COPS8: variants seen among roughly 807,000 people sequenced by gnomAD.
COPS8 encodes the protein COP9 signalosome subunit 8.
COPS8 carries 11 observed loss-of-function variants against 31.5 expected under a neutral mutation model. That is an observed-to-expected ratio of 0.35 (90% CI 0.22 to 0.58). The LOEUF is 0.58. COPS8 is among the 20% of genes least tolerant of loss of function. The probability of loss-of-function intolerance (pLI) is 0.83; values close to 1 mark genes in which losing one functional copy is unlikely to be tolerated. For missense variants in COPS8, 215 were observed against 255.1 expected (o/e 0.84, Z 1.07); for synonymous variants, 81 against 89.3 (o/e 0.91, Z 0.52).
rs180843417 is a variant in COPS8, at chr2:237,097,958, T to G, written c.*216T>G. ...TGAAACAGTTCTCATTTTGTAGTAT[T>G]TAATAATCTGGATGGAGCCTGTCAG... On this transcript the variant is annotated 3_prime_UTR_variant, in exon 8 of 8. Coordinates refer to ENST00000354371, the MANE Select transcript of COPS8 (RefSeq NM_006710.5). 42 of 431,798 alleles carry G rather than the reference T, an allele frequency of 9.7e-5. No homozygotes were observed. The highest frequency in any genetic ancestry group is 6.6e-4 in the African/African-American group (33 of 49,986). The allele number at this position is 431,798 out of a possible 1,614,324, so 26.7% of individuals were successfully genotyped here.
chr2:237,093,754 A>G (rs1445435912), intron 4 of COPS8: 1 of 996,520 alleles, frequency 1.0e-6, no homozygotes, highest in Non-Finnish European at 1.2e-6. Flanking sequence ...TGTAAATGAA[A>G]TAAGATAAGT....
intron 4 of COPS8, chr2:237,093,531 T>G: frequency 1.2e-5 from 3 of 249,894 alleles, no homozygotes; most frequent in African/African-American, 2.3e-5. Flanking sequence ...GTTGCTGGTA[T>G]TGTTTGGCAG....
chr2:237,086,095 G>A, intron 1 of COPS8, 53 bp downstream of exon 1: 1 of 1,512,948 alleles, frequency 6.6e-7, no homozygotes. Context: ...TAGGCCCTGG[G>A]GCGGCACCAG....
At position 237,099,077 on chromosome 2, in the gene COPS8, A is replaced by T. The variant is rs1442599163; in HGVS notation, c.*1335A>T. 3 of 152,148 alleles carry T rather than the reference A, an allele frequency of 2.0e-5. No individual in the cohort carries two copies. In the East Asian group the frequency reaches 5.8e-4, roughly 29 times the overall value. The allele number at this position is 152,148 out of a possible 1,614,324, so 9.4% of individuals were successfully genotyped here. A position where few individuals can be genotyped will look rare whatever the true frequency, so the allele number is the denominator to read the frequency against. Reference sequence around the variant, plus strand: ...ATTGTATCCATGGTTATTTTTTAAAAGCAGATTAGAGTCAATCCAAATATT... The same window carrying T: ...ATTGTATCCATGGTTATTTTTTAAATGCAGATTAGAGTCAATCCAAATATT... On this transcript the variant is annotated 3_prime_UTR_variant, in exon 8 of 8. Transcript: ENST00000354371.
chr2:237,085,933 C>G lies in COPS8; in HGVS notation c.-32C>G. ...AGGGACAGTCTGGGGTTTGGCTGTC[C>G]GGACGGTGCAGCGGCGAGGCCGGCC... On this transcript the variant is annotated 5_prime_UTR_variant, in exon 1 of 8. Transcript: ENST00000354371. The G allele has an allele frequency of 6.2e-7, 1 of 1,604,288 alleles. No homozygotes were observed. Among genetic ancestry groups the G allele is most frequent in the Non-Finnish European group, 8.5e-7 (1 of 1,174,332 alleles).
Position 237,095,749 on chromosome 2 carries a change from G to A in COPS8, c.440-73G>A, listed in dbSNP as rs994949612. On this transcript the variant is annotated intron_variant, in intron 5 of 7. Transcript: ENST00000354371. Reference sequence around the variant, plus strand: ...ACATCAGGTCTTCTGTACAACTAATGTCATGGACAAGTTGTGGATTTTGTG... The same window carrying A: ...ACATCAGGTCTTCTGTACAACTAATATCATGGACAAGTTGTGGATTTTGTG... 31 of 993,976 alleles carry A rather than the reference G, an allele frequency of 3.1e-5. 1 individual carries two copies. The highest frequency in any genetic ancestry group is 2.1e-4 in the Admixed American group (12 of 57,454). The allele number at this position is 993,976 out of a possible 1,614,324, so 61.6% of individuals were successfully genotyped here.
chr2:237,093,880 G>A (rs950493969), intron 4 of COPS8: 35 of 1,192,944 alleles, frequency 2.9e-5, no homozygotes, highest in Non-Finnish European at 3.4e-5. Context: ...TCATCCAAGA[G>A]GAAGTGTAAG....
At position 237,092,456 on chromosome 2, in the gene COPS8, T is replaced by A. The variant is rs2106345747; in HGVS notation, c.332-1634T>A. Among the ~76,000 whole-genome samples the A allele has an allele frequency of 1.3e-5, 2 of 152,330 alleles. 1 individual carries two copies. Among genetic ancestry groups the A allele is most frequent in the South Asian group, 4.1e-4 (2 of 4,830 alleles). ...TGTTTTATTCCCCACTCTGAAAATA[T>A]GGCCAGAATATTTGAACTGAAGTAA... On this transcript the variant is annotated intron_variant, in intron 4 of 7. Coordinates refer to ENST00000354371, the MANE Select transcript of COPS8 (RefSeq NM_006710.5).
intron 3 of COPS8, 64 bp from the exon 4 acceptor site, chr2:237,089,798 T>C: frequency 6.7e-7 from 1 of 1,491,564 alleles, no homozygotes; most frequent in Non-Finnish European, 9.2e-7. Context: ...TATTTTGTTT[T>C]AAGATACAAT....
rs202129594 is a variant in COPS8, at chr2:237,094,129, C to T, written c.371C>T (p.Ala124Val). Reference protein sequence around the residue: ...RRRAFALVSQAYTSIIADDFA... With the variant: ...RRRAFALVSQVYTSIIADDFA... ...CGCGCCTTTGCCCTGGTCTCTCAAG[C>T]GTATACTTCAATCATCGCCGATGAT... Residue 124 changes from alanine to valine, a missense_variant, in exon 5 of 8, where the codon GCG (alanine) becomes GTG (valine). Physicochemically the swap from Ala to Val is moderately conservative, Grantham distance 64. Transcript: ENST00000354371. 11 of 1,613,826 alleles carry T rather than the reference C, an allele frequency of 6.8e-6. No homozygotes were observed. The highest frequency in any genetic ancestry group is 4.4e-5 in the South Asian group (4 of 91,058).
Position 237,089,905 on chromosome 2 carries a change from T to C in COPS8, c.242T>C (p.Ile81Thr). Residue 81 changes from isoleucine (I) to threonine (T), a missense_variant, in exon 4 of 8, where the codon ATC becomes ACC. Transcript: ENST00000354371. Reference protein sequence around the residue: ...LGGIWSVGQRIWQRDFPGIYT... With the variant: ...LGGIWSVGQRTWQRDFPGIYT... ...GGAATTTGGTCAGTAGGACAAAGAATCTGGCAGAGAGATTTCCCTGGGATC... is the reference window on the plus strand; with the variant it reads ...GGAATTTGGTCAGTAGGACAAAGAACCTGGCAGAGAGATTTCCCTGGGATC... The C allele has an allele frequency of 5.6e-6, 9 of 1,613,374 alleles. No homozygotes were observed. Among genetic ancestry groups the C allele is most frequent in the Non-Finnish European group, 7.6e-6 (9 of 1,179,920 alleles).
chr2:237,098,769 C>T lies in COPS8; in HGVS notation c.*1027C>T, dbSNP rs1361130317. On this transcript the variant is annotated 3_prime_UTR_variant, in exon 8 of 8. Coordinates refer to ENST00000354371, the MANE Select transcript of COPS8 (RefSeq NM_006710.5). ...GACACAATCTATTTTGTCATTGTGT[C>T]TATATGAATCTCTTAAGTAGAAATG... 2 of 152,136 alleles carry T rather than the reference C, an allele frequency of 1.3e-5. No homozygotes were observed. Among genetic ancestry groups the T allele is most frequent in the Non-Finnish European group, 2.9e-5 (2 of 68,018 alleles). The allele number at this position is 152,136 out of a possible 1,614,324, so 9.4% of individuals were successfully genotyped here. A position where few individuals can be genotyped will look rare whatever the true frequency, so the allele number is the denominator to read the frequency against.
At chr2:237,088,991 A>G (rs751272286) in intron 3 of COPS8, among the ~76,000 whole-genome samples, 2 of 152,202 alleles carry the variant, frequency 1.3e-5, no homozygotes, top group African/African-American at 2.4e-5. Context: ...TGCTTCCTAT[A>G]ATGGTACTTA....
chr2:237,089,680 TA>T (rs1559298895), intron 3 of COPS8, among the ~76,000 whole-genome samples, 181 bp from the exon 4 acceptor site: 1 of 152,236 alleles, frequency 6.6e-6, no homozygotes, highest in African/African-American at 2.4e-5. Flanking sequence ...TCATAGTGTT[TA>T]AAAACCTTTT....
At chr2:237,094,058 C>G in intron 4 of COPS8, 32 bp from the exon 5 acceptor site, 2 of 1,605,220 alleles carry the variant, frequency 1.2e-6, no homozygotes, top group Non-Finnish European at 1.7e-6. Flanking sequence ...CTCCCTGGTT[C>G]ACTCTCTGCC....
intron 1 of COPS8, 63 bp from the exon 2 acceptor site, chr2:237,087,064 A>G: frequency 9.9e-7 from 1 of 1,010,926 alleles, no homozygotes; most frequent in Non-Finnish European, 1.5e-6. Flanking sequence ...TGAAAGTTAA[A>G]GGGTAAATGA....
At chr2:237,096,122 T>C (rs1436751216) in intron 6 of COPS8, among the ~76,000 whole-genome samples, 2 of 152,242 alleles carry the variant, frequency 1.3e-5, no homozygotes, top group Non-Finnish European at 2.9e-5. Flanking sequence ...TCCTTACACC[T>C]TAGTTTTTAC....
intron 4 of COPS8, among the ~76,000 whole-genome samples, chr2:237,090,726 A>AGGGCAGC (rs1696692421): frequency 6.6e-6 from 1 of 152,182 alleles, no homozygotes; most frequent in South Asian, 2.1e-4. Flanking sequence ...TCAGCTTTAC[A>AGGGCAGC]GGGCAGCAGA....
chr2:237,096,951 GA>G (rs1297019198), intron 7 of COPS8, 82 bp downstream of exon 7: 12 of 912,870 alleles, frequency 1.3e-5, no homozygotes, highest in Non-Finnish European at 8.7e-6. Flanking sequence ...ATGTGTGTGT[GA>G]GTGTGTGTAT....
Sources: gnomAD v4.1 joint callset for allele counts (sites outside exome capture counted in the v4.1 genomes callset) on GRCh38, gnomAD v4.1.1 for gene constraint, MANE v1.5 for transcripts, NCBI Gene and HGNC (gene_info 2026-07-23, HGNC 2026-07-21) for gene names.